SYT1: variants seen among roughly 807,000 people sequenced by gnomAD.
SYT1 encodes synaptotagmin-1.
In SYT1, 8 loss-of-function variants were observed where a neutral mutation model predicts 44.8. The observed-to-expected ratio is 0.18, with a 90% CI of 0.10 to 0.32. The LOEUF is 0.32. Ranked by LOEUF, SYT1 falls within the 10% of genes least tolerant of loss-of-function variation. SYT1 has a pLI of 1.00. For missense variants in SYT1, 286 were observed against 509.3 expected (o/e 0.56, Z 4.22); for synonymous variants, 154 against 188.8 (o/e 0.82, Z 1.51).
intron 3 of SYT1, among the ~76,000 whole-genome samples, chr12:79,167,914 C>T: frequency 6.6e-6 from 1 of 151,934 alleles, no homozygotes; most frequent in Non-Finnish European, 1.5e-5. Context: ...CAACCTAGAT[C>T]CCTCACATGT....
At chr12:79,195,766 T>G (rs1348220591) in intron 3 of SYT1, among the ~76,000 whole-genome samples, 2 of 152,174 alleles carry the variant, frequency 1.3e-5, no homozygotes, top group East Asian at 1.9e-4. Flanking sequence ...TTCTTTGCAG[T>G]CTAACTTGGG....
intron 8 of SYT1, among the ~76,000 whole-genome samples, chr12:79,319,886 G>A (rs1881272822): frequency 6.6e-6 from 1 of 152,116 alleles, no homozygotes; most frequent in Admixed American, 6.5e-5. Flanking sequence ...TACCAAATAG[G>A]ATGAGGAGCA....
At chr12:78,956,883 A>C (rs183047981) in intron 1 of SYT1, among the ~76,000 whole-genome samples, 1 of 152,286 alleles carries the variant, frequency 6.6e-6, no homozygotes, top group Non-Finnish European at 1.5e-5. Flanking sequence ...CATCTAGGCC[A>C]TAAAGCCTTT....
At chr12:78,982,510 A>G (rs1592631054) in intron 2 of SYT1, among the ~76,000 whole-genome samples, 1 of 152,294 alleles carries the variant, frequency 6.6e-6, no homozygotes, top group South Asian at 2.1e-4. Context: ...TTCCATTTTC[A>G]AGAAACAAGA....
intron 3 of SYT1, among the ~76,000 whole-genome samples, chr12:79,146,683 A>G (rs944824307): frequency 1.3e-5 from 2 of 152,218 alleles, no homozygotes; most frequent in African/African-American, 4.8e-5. Context: ...AATAAACTTT[A>G]AAACATGACC....
chr12:79,366,562 T>G (rs1883550915), intron 9 of SYT1, among the ~76,000 whole-genome samples: 1 of 152,186 alleles, frequency 6.6e-6, no homozygotes, highest in African/African-American at 2.4e-5. Flanking sequence ...TGGCCTCCAG[T>G]GGAGTTGCAA....
intron 3 of SYT1, among the ~76,000 whole-genome samples, chr12:79,199,639 G>A (rs1488380060): frequency 6.6e-6 from 1 of 152,080 alleles, no homozygotes; most frequent in African/African-American, 2.4e-5. Flanking sequence ...AGAGAAAAAT[G>A]AAAAATCACG....
At chr12:79,065,403 T>C (rs1875767585) in intron 3 of SYT1, among the ~76,000 whole-genome samples, 1 of 150,196 alleles carries the variant, frequency 6.7e-6, no homozygotes, top group South Asian at 2.1e-4. Context: ...AAGAGAGGAG[T>C]GGAGGGGAGG....
At chr12:78,922,000 A>G (rs931092161) in intron 1 of SYT1, among the ~76,000 whole-genome samples, 2 of 152,000 alleles carry the variant, frequency 1.3e-5, no homozygotes, top group South Asian at 4.1e-4. Flanking sequence ...GAATAAAAAA[A>G]AAAACTTTTG....
chr12:79,148,229 C>CT (rs1463273821), intron 3 of SYT1, among the ~76,000 whole-genome samples: 1 of 151,884 alleles, frequency 6.6e-6, no homozygotes, highest in Non-Finnish European at 1.5e-5. Context: ...TTCCGAAGAA[C>CT]TTTTTTTTGA....
intron 2 of SYT1, among the ~76,000 whole-genome samples, chr12:78,996,498 G>A (rs1870390755): frequency 6.6e-6 from 1 of 152,180 alleles, no homozygotes; most frequent in Non-Finnish European, 1.5e-5. Context: ...AAGCCGTGGG[G>A]AAGAGCTTTA....
chr12:79,222,466 C>G (rs1875229630), intron 4 of SYT1, among the ~76,000 whole-genome samples: 1 of 151,814 alleles, frequency 6.6e-6, no homozygotes, highest in South Asian at 2.1e-4. Context: ...ACTGCAACCT[C>G]CACCTCCCAG....
chr12:79,326,144 C>T (rs1028366093), intron 8 of SYT1, among the ~76,000 whole-genome samples: 16 of 152,122 alleles, frequency 1.1e-4, no homozygotes, highest in South Asian at 4.1e-4. Flanking sequence ...TTGAAAAAAA[C>T]TCAGCTACTC....
At chr12:78,896,845 G>A (rs113023436) in intron 1 of SYT1, among the ~76,000 whole-genome samples, 12,460 of 151,644 alleles carry the variant, frequency 0.082, 602 homozygotes, top group African/African-American at 0.13. Context: ...TTTACTTTAC[G>A]ATTTCTATAT....
chr12:78,917,811 G>A (rs1228568932), intron 1 of SYT1, among the ~76,000 whole-genome samples: 3 of 151,910 alleles, frequency 2.0e-5, no homozygotes, highest in African/African-American at 4.8e-5. Flanking sequence ...TAAAGCCTAC[G>A]TTGTTGGATA....
At chr12:78,897,649 T>C (rs1875436013) in intron 1 of SYT1, among the ~76,000 whole-genome samples, 1 of 152,050 alleles carries the variant, frequency 6.6e-6, no homozygotes, top group Non-Finnish European at 1.5e-5. Context: ...ATATATAACT[T>C]ATTAAGTGCT....
At chr12:79,037,882 A>G (rs1277401150) in intron 2 of SYT1, among the ~76,000 whole-genome samples, 4 of 151,848 alleles carry the variant, frequency 2.6e-5, no homozygotes, top group Admixed American at 2.0e-4. Context: ...AGCTGTAGAC[A>G]CAATCAGATA....
chr12:79,063,009 T>C (rs973340466), intron 3 of SYT1, among the ~76,000 whole-genome samples: 4 of 152,180 alleles, frequency 2.6e-5, no homozygotes, highest in African/African-American at 9.6e-5. Context: ...GGTTGACTTC[T>C]ACTTATTAAA....
chr12:79,259,713 G>A (rs556951551), intron 4 of SYT1, among the ~76,000 whole-genome samples: 5 of 152,262 alleles, frequency 3.3e-5, no homozygotes, highest in Admixed American at 3.3e-4. Context: ...CAGCCTGGAT[G>A]GAAGAGTGAG....
Sources: allele counts gnomAD v4.1 joint callset (sites outside exome capture counted in the v4.1 genomes callset), GRCh38; gene constraint gnomAD v4.1.1; transcripts MANE v1.5; gene names NCBI Gene and HGNC (gene_info 2026-07-23, HGNC 2026-07-21).